Variants in CDH7 observed in about 807,000 individuals in gnomAD.
CDH7 encodes cadherin-7.
Under a neutral mutation model 71.8 loss-of-function variants are expected in CDH7, and 25 were observed. The ratio of observed to expected loss-of-function variants is 0.35; its 90% CI spans 0.25 to 0.49. CDH7 has a LOEUF of 0.49. Ranked by LOEUF, CDH7 falls within the 20% of genes least tolerant of loss-of-function variation. The pLI, the probability that CDH7 is intolerant of heterozygous loss-of-function variation, is 0.99. For synonymous variants in CDH7, 381 were observed against 363.8 expected (o/e 1.05, Z -0.54); for missense variants, 862 against 974.6 (o/e 0.88, Z 1.54).
intron 2 of CDH7, among the ~76,000 whole-genome samples, chr18:65,792,129 C>T (rs1294430540): frequency 6.7e-6 from 1 of 149,514 alleles, no homozygotes; most frequent in African/African-American, 2.5e-5. Context: ...TTAAAAATGG[C>T]TCTTAAAAGT....
chr18:65,777,399 C>A (rs1384566670), intron 2 of CDH7, among the ~76,000 whole-genome samples: 1 of 152,064 alleles, frequency 6.6e-6, no homozygotes, highest in Middle Eastern at 3.4e-3. Flanking sequence ...CCAAAAGCTC[C>A]AGAGTCTCCA....
intron 6 of CDH7, among the ~76,000 whole-genome samples, chr18:65,842,911 T>C (rs2143988502): frequency 6.6e-6 from 1 of 151,946 alleles, no homozygotes; most frequent in South Asian, 2.1e-4. Context: ...AAAAAGAATT[T>C]GGGGACAGTT....
chr18:65,779,036 C>T (rs1910072895), intron 2 of CDH7, among the ~76,000 whole-genome samples: 1 of 148,352 alleles, frequency 6.7e-6, no homozygotes, highest in Admixed American at 6.7e-5. Flanking sequence ...TAGCCCTTTG[C>T]TCTTCAGACA....
intron 4 of CDH7, among the ~76,000 whole-genome samples, chr18:65,815,414 C>T (rs1405738489): frequency 6.6e-6 from 1 of 152,012 alleles, no homozygotes; most frequent in African/African-American, 2.4e-5. Flanking sequence ...TAGAATTATT[C>T]AAATATATAC....
At position 65,858,970 on chromosome 18, in the gene CDH7, T is replaced by C; in HGVS notation, c.1418T>C (p.Leu473Pro). Residue 473 changes from leucine to proline, a missense_variant, in exon 9 of 12, where the codon CTT becomes CCT. Coordinates refer to ENST00000397968, the MANE Select transcript of CDH7 (RefSeq NM_004361.5). ...VGRGYVAITI[L>P]DINDNAPEFA... Reference sequence around the variant, plus strand: ...AGAGGCTATGTGGCCATCACTATACTTGACATCAATGATAACGCCCCTGAA... The same window carrying C: ...AGAGGCTATGTGGCCATCACTATACCTGACATCAATGATAACGCCCCTGAA... 1 of 1,612,506 alleles carries C rather than the reference T, an allele frequency of 6.2e-7. No homozygotes were observed. The highest frequency in any genetic ancestry group is 8.5e-7 in the Non-Finnish European group (1 of 1,178,610).
In CDH7 at chr18:65,886,260, A is replaced by G. The variant is rs899409645; in HGVS notation, c.*5366A>G. ...TATTATGGGAAATAATGGGAATTAT[A>G]TAAAAAGGTTGATAATTGTTATATG... On this transcript the variant is annotated 3_prime_UTR_variant, in exon 12 of 12. Coordinates refer to ENST00000397968, the MANE Select transcript of CDH7 (RefSeq NM_004361.5). 3 of 152,254 alleles carry G rather than the reference A, an allele frequency of 2.0e-5. No homozygotes were observed. Among genetic ancestry groups the G allele is most frequent in the Non-Finnish European group, 4.4e-5 (3 of 68,038 alleles). 9.4% of individuals were successfully genotyped at this position (152,254 alleles called of 1,614,324 possible).
Position 65,846,516 on chromosome 18 carries a change from A to G in CDH7, c.1235+2451A>G, listed in dbSNP as rs544253424. On this transcript the variant is annotated intron_variant, in intron 7 of 11. Coordinates refer to ENST00000397968, the MANE Select transcript of CDH7 (RefSeq NM_004361.5). Reference sequence around the variant, plus strand: ...TTCTTGAGTCATGTTTAATACTTACATACTTGAAAGTTTTTACACGATTTT... The same window carrying G: ...TTCTTGAGTCATGTTTAATACTTACGTACTTGAAAGTTTTTACACGATTTT... 1.1e-3 allele frequency among the ~76,000 whole-genome samples: 167 copies of G among 152,306 alleles called. 1 individual carries two copies. The Middle Eastern group carries it at 0.014, about 12-fold the overall frequency.
Position 65,854,598 on chromosome 18 carries a change from A to T in CDH7, c.1236-3218A>T, listed in dbSNP as rs148469927. On this transcript the variant is annotated intron_variant, in intron 7 of 11. Coordinates refer to ENST00000397968, the MANE Select transcript of CDH7 (RefSeq NM_004361.5). ...AGTCATTGACTTTAGCCCTGTGGGG[A>T]ATTACATGAATTCATTTAGACTGAT... is the stretch of plus-strand genomic sequence containing the variant. Among the ~76,000 whole-genome samples, 11 of 152,196 alleles carry T rather than the reference A, an allele frequency of 7.2e-5. No individual in the cohort carries two copies. The East Asian group carries it at 1.5e-3, about 21-fold the overall frequency.
At chr18:65,767,584 G>A (rs1184557468) in intron 2 of CDH7, among the ~76,000 whole-genome samples, 1 of 152,132 alleles carries the variant, frequency 6.6e-6, no homozygotes, top group Non-Finnish European at 1.5e-5. Flanking sequence ...ACTCTTAGAA[G>A]AAAACAAAGA....
intron 4 of CDH7, among the ~76,000 whole-genome samples, chr18:65,814,896 C>T (rs1325774744): frequency 6.6e-6 from 1 of 152,036 alleles, no homozygotes; most frequent in Non-Finnish European, 1.5e-5. Flanking sequence ...CAGAGCTTTA[C>T]CTGTGTTTTG....
chr18:65,791,595 A>G (rs78538766), intron 2 of CDH7, among the ~76,000 whole-genome samples: 4 of 152,184 alleles, frequency 2.6e-5, no homozygotes, highest in Non-Finnish European at 4.4e-5. Flanking sequence ...ATTTAATCCC[A>G]TGTCAGATGC....
At chr18:65,875,835 A>C (rs536089139) in intron 11 of CDH7, among the ~76,000 whole-genome samples, 1 of 152,228 alleles carries the variant, frequency 6.6e-6, no homozygotes, top group South Asian at 2.1e-4. Context: ...GTGCTGAGGC[A>C]GGAATATTGC....
intron 6 of CDH7, among the ~76,000 whole-genome samples, chr18:65,843,292 A>C (rs1038800763): frequency 6.6e-6 from 1 of 152,174 alleles, no homozygotes; most frequent in Non-Finnish European, 1.5e-5. Flanking sequence ...AGAACTGGCC[A>C]TGTTTGCAGA....
In CDH7 at chr18:65,782,161, TCTTC is replaced by T. The variant is rs1304588812; in HGVS notation, c.210+19113_210+19116del. Among the ~76,000 whole-genome samples, 759 of 112,234 alleles carry T rather than the reference TCTTC, an allele frequency of 6.8e-3. 57 individuals carry two copies. The highest frequency in any genetic ancestry group is 0.015 in the Middle Eastern group (4 of 264). 73.6% of individuals were successfully genotyped at this position (112,234 alleles called of 152,430 possible). A position where few individuals can be genotyped will look rare whatever the true frequency, so the allele number is the denominator to read the frequency against. ...TTCTTTCTTTCTTTCTTTCTTTCTT[TCTTC>T]CTTTCTTTCTTTCTTTCTTTCTTGA... On this transcript the variant is annotated intron_variant, in intron 2 of 11. Transcript: ENST00000397968.
chr18:65,774,732 AAG>A (rs2143814328), intron 2 of CDH7, among the ~76,000 whole-genome samples: 1 of 152,216 alleles, frequency 6.6e-6, no homozygotes, highest in South Asian at 2.1e-4. Context: ...GCCTGGGAGA[AAG>A]AGAGGTCTGG....
intron 4 of CDH7, among the ~76,000 whole-genome samples, chr18:65,815,042 T>C (rs1277388080): frequency 6.6e-6 from 1 of 152,180 alleles, no homozygotes; most frequent in African/African-American, 2.4e-5. Flanking sequence ...GGGAAATTAG[T>C]TGAAACATAA....
chr18:65,859,719 A>T lies in CDH7; in HGVS notation c.1506A>T (p.Lys502Asn). 6.3e-7 allele frequency: 1 copy of T among 1,599,950 alleles called. No homozygotes were observed. The highest frequency in any genetic ancestry group is 2.2e-5 in the East Asian group (1 of 44,742). The stretch of plus-strand genomic sequence containing the variant: ...TTCTCTTTTCCTAGGTTATCCAGAA[A>T]ATCAGTGCTGTGGATAAAGATGAGC... ...ENAQPGQVIQ[K>N]ISAVDKDEPS... The change falls in exon 10 of 12, where the codon AAA (lysine) becomes AAT (asparagine). Residue 502 changes from lysine (K) to asparagine (N), a missense_variant. Physicochemically the swap from Lys to Asn is moderately conservative, Grantham distance 94. Transcript: ENST00000397968.
chr18:65,849,384 C>CTTTTCT, intron 7 of CDH7, among the ~76,000 whole-genome samples: 1 of 115,134 alleles, frequency 8.7e-6, no homozygotes, highest in African/African-American at 3.9e-5. Context: ...CTTTTCTTTT[C>CTTTTCT]TTTTCTTTTC....
intron 2 of CDH7, among the ~76,000 whole-genome samples, chr18:65,776,291 A>T (rs1457710084): frequency 6.6e-6 from 1 of 151,864 alleles, no homozygotes; most frequent in Non-Finnish European, 1.5e-5. Flanking sequence ...TAGTTTACAT[A>T]TTCAGAATCA....
Sources: gnomAD v4.1 joint callset for allele counts (sites outside exome capture counted in the v4.1 genomes callset) on GRCh38, gnomAD v4.1.1 for gene constraint, MANE v1.5 for transcripts, NCBI Gene and HGNC (gene_info 2026-07-23, HGNC 2026-07-21) for gene names.